Variants in SMARCA2 observed in about 807,000 individuals in gnomAD.
The protein encoded by SMARCA2 is SWI/SNF related BAF chromatin remodeling complex subunit ATPase 2, also known as SWI/SNF-related matrix-associated actin-dependent regulator of chromatin subfamily A member 2.
SMARCA2 carries 61 observed loss-of-function variants against 199.8 expected under a neutral mutation model. The ratio of observed to expected loss-of-function variants is 0.31; its 90% CI spans 0.25 to 0.38. The LOEUF is 0.38. Among genes scored for constraint, SMARCA2 ranks in the 10% least tolerant of loss-of-function variants. The pLI is 1.00. For missense variants in SMARCA2, 1,344 were observed against 2,012.2 expected, an observed-to-expected ratio of 0.67 and a Z score of 6.35; for synonymous variants, 935 against 732.0, an observed-to-expected ratio of 1.28 and a Z score of -4.48.
At chr9:2,093,566 G>A (rs972750768) in intron 19 of SMARCA2, among the ~76,000 whole-genome samples, 1 of 152,134 alleles carries the variant, frequency 6.6e-6, no homozygotes, top group Non-Finnish European at 1.5e-5. Flanking sequence ...GGGTTTCCCC[G>A]TGCCCAGATA....
At chr9:2,100,854 G>A (rs1305665678) in intron 21 of SMARCA2, among the ~76,000 whole-genome samples, 2 of 152,132 alleles carry the variant, frequency 1.3e-5, no homozygotes, top group African/African-American at 4.8e-5. Flanking sequence ...TGGGTAATTT[G>A]TAAGGAAAAA....
In SMARCA2 at chr9:2,091,540, G is replaced by A. The variant is rs557687919; in HGVS notation, c.2883+2927G>A. Among the ~76,000 whole-genome samples, 3 of 151,154 alleles carry A rather than the reference G, an allele frequency of 2.0e-5. No homozygotes were observed. In the South Asian group the frequency reaches 6.3e-4, roughly 32 times the overall value. On this transcript the variant is annotated intron_variant, in intron 19 of 33. Transcript: ENST00000349721. ...GTCATTTCTAGTTTTTGACAATTAT[G>A]AATAGAGCTGCTATAAACTTTTCAT...
At position 2,193,348 on chromosome 9, in the gene SMARCA2, C is replaced by CTTAAT. The variant is rs1828024764; in HGVS notation, c.*612_*616dup. The CTTAAT allele has an allele frequency of 6.6e-6, 1 of 152,560 alleles. No homozygotes were observed. The highest frequency in any genetic ancestry group is 6.5e-5 in the Admixed American group (1 of 15,276). 9.5% of individuals were successfully genotyped at this position (152,560 alleles called of 1,614,324 possible). A position where few individuals can be genotyped will look rare whatever the true frequency, so the allele number is the denominator to read the frequency against. Reference sequence around the variant, plus strand: ...AGATTTATGTCTACTGTAAACATTGCTTAATTTTTTTGCTCTTGATTTAAA... The same window carrying CTTAAT: ...AGATTTATGTCTACTGTAAACATTGCTTAATTTAATTTTTTTGCTCTTGATTTAAA... On this transcript the variant is annotated 3_prime_UTR_variant, in exon 34 of 34. Coordinates refer to ENST00000349721, the MANE Select transcript of SMARCA2 (RefSeq NM_003070.5).
chr9:2,181,745 T>A, intron 30 of SMARCA2, 69 bp downstream of exon 30: 1 of 879,844 alleles, frequency 1.1e-6, no homozygotes, highest in Non-Finnish European at 1.9e-6. Context: ...ATTGAAATGG[T>A]TGTAGTTGGA....
At chr9:2,059,162 A>C (rs759047932) in intron 8 of SMARCA2, among the ~76,000 whole-genome samples, 35 of 152,028 alleles carry the variant, frequency 2.3e-4, no homozygotes, top group Non-Finnish European at 2.9e-5. Flanking sequence ...TGTGGATTTT[A>C]GAAAAGCGTG....
intron 27 of SMARCA2, among the ~76,000 whole-genome samples, chr9:2,136,495 G>C (rs1255315154): frequency 1.3e-5 from 2 of 152,102 alleles, no homozygotes; most frequent in African/African-American, 4.8e-5. Context: ...CCTATTCCCT[G>C]CTTTCTCATC....
chr9:2,087,260 T>G, intron 18 of SMARCA2, 189 bp downstream of exon 18: 1 of 645,080 alleles, frequency 1.6e-6, no homozygotes, highest in Non-Finnish European at 2.6e-6. Flanking sequence ...AAAATGGATC[T>G]AGTGGTACAT....
At chr9:2,035,777 T>C (rs934717986) in intron 3 of SMARCA2, among the ~76,000 whole-genome samples, 2 of 152,264 alleles carry the variant, frequency 1.3e-5, no homozygotes, top group Non-Finnish European at 2.9e-5. Context: ...AGAATTAACA[T>C]GTAATATTCT....
At chr9:2,134,417 C>A (rs1023623282) in intron 27 of SMARCA2, among the ~76,000 whole-genome samples, 3 of 152,164 alleles carry the variant, frequency 2.0e-5, no homozygotes, top group Admixed American at 6.6e-5. Context: ...CTGGTTTTCT[C>A]CCTAGCTGTA....
intron 20 of SMARCA2, 86 bp from the exon 21 acceptor site, chr9:2,097,299 T>G: frequency 2.3e-6 from 2 of 851,380 alleles, no homozygotes; most frequent in Non-Finnish European, 3.8e-6. Flanking sequence ...TCCTTTGTCC[T>G]TTGTATAAGA....
intron 31 of SMARCA2, among the ~76,000 whole-genome samples, chr9:2,182,732 T>G (rs1453471984): frequency 6.6e-6 from 1 of 151,738 alleles, no homozygotes; most frequent in African/African-American, 2.4e-5. Flanking sequence ...TGACCTCAGG[T>G]GATCCGCCTG....
chr9:2,069,875 C>G (rs1023889614), intron 9 of SMARCA2, among the ~76,000 whole-genome samples: 1 of 152,102 alleles, frequency 6.6e-6, no homozygotes, highest in Admixed American at 6.5e-5. Flanking sequence ...TACAGTTGAT[C>G]CTGTCACCCA....
At chr9:2,071,898 T>A (rs1388878648) in intron 10 of SMARCA2, 1 of 152,224 alleles carries the variant, frequency 6.6e-6, no homozygotes, top group African/African-American at 2.4e-5. Flanking sequence ...CATGTTGGCA[T>A]GCAAAGTAAT....
intron 4 of SMARCA2, among the ~76,000 whole-genome samples, chr9:2,046,808 T>G (rs986444534): frequency 3.9e-5 from 6 of 152,034 alleles, no homozygotes; most frequent in African/African-American, 1.5e-4. Flanking sequence ...TTTTCTGAAC[T>G]CTCAATGCAC....
chr9:2,026,148 C>G (rs889961322), intron 1 of SMARCA2, among the ~76,000 whole-genome samples: 3 of 152,242 alleles, frequency 2.0e-5, no homozygotes, highest in Admixed American at 2.0e-4. Flanking sequence ...CTCTCAGCTC[C>G]CAGTGAGACA....
intron 18 of SMARCA2, among the ~76,000 whole-genome samples, chr9:2,088,061 C>T (rs1050330792): frequency 2.8e-4 from 43 of 152,202 alleles, no homozygotes; most frequent in Non-Finnish European, 8.8e-5. Flanking sequence ...TGTTCAAGCC[C>T]CTGTTCCTTT....
At chr9:2,116,958 T>C (rs575338551) in intron 25 of SMARCA2, among the ~76,000 whole-genome samples, 2 of 152,354 alleles carry the variant, frequency 1.3e-5, no homozygotes, top group South Asian at 4.1e-4. Flanking sequence ...ATAGGATATG[T>C]GTTTTTGCAT....
intron 32 of SMARCA2, among the ~76,000 whole-genome samples, chr9:2,188,626 G>A (rs1366237439): frequency 1.3e-5 from 2 of 152,096 alleles, no homozygotes; most frequent in Non-Finnish European, 2.9e-5. Flanking sequence ...AATTTCTCAA[G>A]CCTTGGTATA....
rs527432159 is a variant in SMARCA2, at chr9:2,068,484, C to T, written c.1693-1934C>T. Among the ~76,000 whole-genome samples the T allele has an allele frequency of 2.5e-3, 377 of 152,276 alleles. 3 individuals carry two copies. Among genetic ancestry groups the T allele is most frequent in the African/African-American group, 8.4e-3 (349 of 41,546 alleles). ...TTCAAATGTTGATGGAACTGCCTTT[C>T]TTCACTATGACTAAAAGGCTGATTT... On this transcript the variant is annotated intron_variant, in intron 9 of 33. Coordinates refer to ENST00000349721, the MANE Select transcript of SMARCA2 (RefSeq NM_003070.5).
Sources: gnomAD v4.1 joint callset for allele counts (sites outside exome capture counted in the v4.1 genomes callset) on GRCh38, gnomAD v4.1.1 for gene constraint, MANE v1.5 for transcripts, NCBI Gene and HGNC (gene_info 2026-07-23, HGNC 2026-07-21) for gene names.